Variants in PHF6 observed in about 807,000 individuals in gnomAD.
The protein encoded by PHF6 is PHD finger protein 6, also known as PHD-like zinc finger protein.
In PHF6, 7 loss-of-function variants were observed where a neutral mutation model predicts 34.0. The observed-to-expected ratio is 0.21, with a 90% CI of 0.12 to 0.39. The LOEUF (loss-of-function observed/expected upper bound fraction) is 0.39, where lower values mean the gene tolerates loss of function less well. Among genes scored for constraint, PHF6 ranks in the 10% least tolerant of loss-of-function variants. The probability of loss-of-function intolerance (pLI) is 1.00; values close to 1 mark genes in which losing one functional copy is unlikely to be tolerated. For synonymous variants in PHF6, 89 were observed against 88.4 expected (o/e 1.01, Z -0.04); for missense variants, 128 against 262.8 (o/e 0.49, Z 3.55).
At chrX:134,380,449 A>G (rs1739217142) in intron 3 of PHF6, among the ~76,000 whole-genome samples, 1 of 111,578 alleles carries the variant, frequency 9.0e-6, no homozygotes, top group Non-Finnish European at 1.9e-5. Flanking sequence ...CCTATTCGTT[A>G]AAGCATCAGA....
intron 5 of PHF6, among the ~76,000 whole-genome samples, chrX:134,398,596 A>C (rs2077387978): frequency 8.9e-6 from 1 of 111,906 alleles, no homozygotes; most frequent in Admixed American, 9.5e-5. Flanking sequence ...GGAGATGAGC[A>C]GAAGTAGACA....
At chrX:134,394,014 T>C in intron 5 of PHF6, 62 bp downstream of exon 5, 3 of 969,758 alleles carry the variant, frequency 3.1e-6, no homozygotes, top group Non-Finnish European at 4.4e-6. Flanking sequence ...GAGTACAGAT[T>C]AGTGAATTAT....
chrX:134,415,334 C>CCTG, intron 8 of PHF6: 1 of 542,988 alleles, frequency 1.8e-6, no homozygotes, highest in Non-Finnish European at 2.9e-6. Flanking sequence ...GAGAATTATA[C>CCTG]TGAGAAGATT....
Position 134,427,029 on chromosome X carries a change from A to G in PHF6, c.*1369A>G, listed in dbSNP as rs2077509770. ...GATAGAGCAGCATTTTAAAAATGTA[A>G]CAGGTGGAAAATTACACTGTGCTTA... On this transcript the variant is annotated 3_prime_UTR_variant, in exon 11 of 11. Transcript: ENST00000370803. The G allele has an allele frequency of 6.2e-6, 1 of 160,958 alleles. No individual in the cohort carries two copies. The allele number at this position is 160,958 out of a possible 1,213,427, so 13.3% of individuals were successfully genotyped here.
At chrX:134,414,741 T>C (rs747722083) in intron 7 of PHF6, among the ~76,000 whole-genome samples, 25 of 111,843 alleles carry the variant, frequency 2.2e-4, no homozygotes, top group Non-Finnish European at 3.6e-4. Context: ...GTAAAATAGT[T>C]GAGAATAGAG....
chrX:134,384,505 A>T (rs765130765), intron 3 of PHF6, among the ~76,000 whole-genome samples: 1 of 111,114 alleles, frequency 9.0e-6, no homozygotes, highest in South Asian at 3.8e-4. Flanking sequence ...TTAAACCAGT[A>T]TTCATTACCA....
At chrX:134,424,899 T>C (rs2077502853) in intron 9 of PHF6, among the ~76,000 whole-genome samples, 1 of 112,057 alleles carries the variant, frequency 8.9e-6, no homozygotes, top group South Asian at 3.6e-4. Flanking sequence ...TGAAGGTTGG[T>C]ATTTTTAAGT....
chrX:134,395,686 C>T (rs777225668), intron 5 of PHF6, among the ~76,000 whole-genome samples: 1 of 111,743 alleles, frequency 8.9e-6, no homozygotes, highest in Non-Finnish European at 1.9e-5. Flanking sequence ...TATTGGTATT[C>T]GCATGTTAAA....
intron 5 of PHF6, among the ~76,000 whole-genome samples, chrX:134,406,066 C>CTT (rs769676398): frequency 4.0e-5 from 2 of 49,624 alleles, no homozygotes; most frequent in African/African-American, 1.2e-4. Context: ...TTTTCTTTTT[C>CTT]TTTCTTTCTT....
chrX:134,387,565 ATGTC>A (rs1005263497), intron 3 of PHF6, among the ~76,000 whole-genome samples: 1 of 111,450 alleles, frequency 9.0e-6, no homozygotes, highest in African/African-American at 3.3e-5. Flanking sequence ...AGCTCAGAAA[ATGTC>A]TGTCTGAATC....
chrX:134,381,495 A>AT lies in PHF6; in HGVS notation c.240+3405dup, dbSNP rs72244870. Among the ~76,000 whole-genome samples the AT allele has an allele frequency of 1.1e-3, 102 of 95,717 alleles. 2 individuals carry two copies. Among genetic ancestry groups the AT allele is most frequent in the Admixed American group, 2.5e-3 (22 of 8,842 alleles). 83.1% of individuals were successfully genotyped at this position (95,717 alleles called of 115,157 possible). A position where few individuals can be genotyped will look rare whatever the true frequency, so the allele number is the denominator to read the frequency against. ...TAGGTAATCAGCTTCCCTAATTGAC[A>AT]TTTTTTTTTTTTTTTTGAGATGGAG... On this transcript the variant is annotated intron_variant, in intron 3 of 10. Coordinates refer to ENST00000370803, the MANE Select transcript of PHF6 (RefSeq NM_001015877.2).
At chrX:134,404,340 G>T (rs748356950) in intron 5 of PHF6, among the ~76,000 whole-genome samples, 14 of 112,111 alleles carry the variant, frequency 1.2e-4, no homozygotes, top group African/African-American at 3.9e-4. Context: ...AATAGCAAGA[G>T]AACTAGAATT....
chrX:134,373,381 CAG>C lies in PHF6; in HGVS notation c.-132_-131del, dbSNP rs2077265434. 8.8e-6 allele frequency: 1 copy of C among 113,069 alleles called. No homozygotes were observed. Among genetic ancestry groups the C allele is most frequent in the Non-Finnish European group, 1.9e-5 (1 of 53,379 alleles). The allele number at this position is 113,069 out of a possible 1,213,427, so 9.3% of individuals were successfully genotyped here. A position where few individuals can be genotyped will look rare whatever the true frequency, so the allele number is the denominator to read the frequency against. ...ACCTCCGGCGACAGAGCCCCGCTCTCAGGCACTGCTGGAGAACCGAGACCGAC... is the reference window on the plus strand; with the variant it reads ...ACCTCCGGCGACAGAGCCCCGCTCTCGCACTGCTGGAGAACCGAGACCGAC... On this transcript the variant is annotated 5_prime_UTR_variant, in exon 1 of 11. It removes the in-frame stop codon of an upstream open reading frame in the 5' UTR. Coordinates refer to ENST00000370803, the MANE Select transcript of PHF6 (RefSeq NM_001015877.2).
intron 1 of PHF6, among the ~76,000 whole-genome samples, chrX:134,375,004 G>A (rs1403019170): frequency 9.0e-6 from 1 of 111,608 alleles, no homozygotes; most frequent in Non-Finnish European, 1.9e-5. Context: ...TCCTTGGAAT[G>A]CCCTTATTCT....
intron 1 of PHF6, among the ~76,000 whole-genome samples, chrX:134,376,997 A>G (rs1192861768): frequency 1.8e-5 from 2 of 111,841 alleles, no homozygotes; most frequent in African/African-American, 3.2e-5. Flanking sequence ...GAGTATTCTG[A>G]AGTTTCCTTA....
At chrX:134,423,833 A>G (rs1430177597) in intron 9 of PHF6, among the ~76,000 whole-genome samples, 1 of 111,005 alleles carries the variant, frequency 9.0e-6, no homozygotes, top group Non-Finnish European at 1.9e-5. Flanking sequence ...TGTTCTAAGC[A>G]TTCTTCCATT....
intron 7 of PHF6, among the ~76,000 whole-genome samples, chrX:134,414,682 A>G (rs962448890): frequency 9.0e-5 from 10 of 110,828 alleles, no homozygotes; most frequent in Non-Finnish European, 5.7e-5. Context: ...ATCTGCATCT[A>G]TGGTTGAAAT....
At chrX:134,417,775 C>T (rs938382004) in intron 9 of PHF6, 3 of 116,524 alleles carry the variant, frequency 2.6e-5, no homozygotes, top group Non-Finnish European at 3.5e-5. Context: ...AGGAGAATCG[C>T]TTGAACCCAG....
intron 3 of PHF6, among the ~76,000 whole-genome samples, chrX:134,392,262 G>A (rs1308412012): frequency 1.8e-5 from 2 of 112,009 alleles, no homozygotes; most frequent in African/African-American, 6.5e-5. Flanking sequence ...AGAGGGATGA[G>A]AACACTTTAG....
Sources: gnomAD v4.1 joint callset for allele counts (sites outside exome capture counted in the v4.1 genomes callset) on GRCh38, gnomAD v4.1.1 for gene constraint, MANE v1.5 for transcripts, NCBI Gene and HGNC (gene_info 2026-07-23, HGNC 2026-07-21) for gene names.